The following KIN variants were observed in gnomAD, a reference collection of about 807,000 sequenced individuals.
KIN encodes Kin17 DNA and RNA binding protein.
In KIN, 47 loss-of-function variants were observed where a neutral mutation model predicts 63.0. The ratio of observed to expected loss-of-function variants is 0.75; its 90% CI spans 0.59 to 0.95. The LOEUF is 0.95. Ranked by LOEUF, KIN falls within the 40% of genes least tolerant of loss-of-function variation. The pLI, the probability that KIN is intolerant of heterozygous loss-of-function variation, is 0.00. For synonymous variants in KIN, 160 were observed against 157.7 expected (o/e 1.01, Z -0.11); for missense variants, 408 against 460.9 (o/e 0.89, Z 1.05).
Position 7,769,359 on chromosome 10 carries a change from G to A in KIN, c.669-14C>T, listed in dbSNP as rs1229936585. 1 of 1,605,632 alleles carries A rather than the reference G, an allele frequency of 6.2e-7. No individual in the cohort carries two copies. Among genetic ancestry groups the A allele is most frequent in the Admixed American group, 1.7e-5 (1 of 57,760 alleles). The stretch of plus-strand genomic sequence containing the variant: ...GGTCCCAGAGTACTGATGAACAGGA[G>A]AACCATGCTTGTTACCAAGAACCAT... On this transcript the variant is annotated splice_polypyrimidine_tract_variant and intron_variant, in intron 7 of 12. Transcript: ENST00000379562.
chr10:7,751,920 A>C lies in KIN; in HGVS notation c.*4160T>G, dbSNP rs1389802640. 1.0e-3 allele frequency: 2 copies of C among 1,976 alleles called. 1 individual carries two copies. The highest frequency in any genetic ancestry group is 1.9e-3 in the Non-Finnish European group (2 of 1,036). The allele number at this position is 1,976 out of a possible 1,614,324, so 0.1% of individuals were successfully genotyped here. On this transcript the variant is annotated 3_prime_UTR_variant, in exon 13 of 13. Coordinates refer to ENST00000379562, the MANE Select transcript of KIN (RefSeq NM_012311.4). ...CGCGGTGGCGGGCGCCTGTAGTCCC[A>C]GCTACTCGGGAGGCTGAGGCAGGAG...
Position 7,778,966 on chromosome 10 carries a change from T to C in KIN, c.430A>G (p.Arg144Gly). 6.2e-7 allele frequency: 1 copy of C among 1,614,156 alleles called. No individual in the cohort carries two copies. The highest frequency in any genetic ancestry group is 8.5e-7 in the Non-Finnish European group (1 of 1,180,042). Residue 144 changes from arginine to glycine, a missense_variant, in exon 5 of 13, where the codon AGG becomes GGG. Coordinates refer to ENST00000379562, the MANE Select transcript of KIN (RefSeq NM_012311.4). Reference sequence around the variant, plus strand: ...TGCCGGCGGATAGTTTCTGGGTCCCTGTCTATGTACTGAATATACCAGCCT... The same window carrying C: ...TGCCGGCGGATAGTTTCTGGGTCCCCGTCTATGTACTGAATATACCAGCCT... ...PKGWYIQYID[R>G]DPETIRRQLE...
At chr10:7,778,700 C>T (rs954291593) in intron 5 of KIN, 138 bp downstream of exon 5, 156 of 861,350 alleles carry the variant, frequency 1.8e-4, no homozygotes, top group Non-Finnish European at 2.7e-4. Flanking sequence ...GATTGCGCTA[C>T]TGCACTCCAG....
At chr10:7,756,690 A>C (rs1835338808) in intron 12 of KIN, among the ~76,000 whole-genome samples, 1 of 152,206 alleles carries the variant, frequency 6.6e-6, no homozygotes, top group South Asian at 2.1e-4. Flanking sequence ...TTTAGAGTGA[A>C]ACGTTAACTT....
chr10:7,777,973 G>A (rs1178855298), intron 5 of KIN, among the ~76,000 whole-genome samples: 2 of 151,818 alleles, frequency 1.3e-5, no homozygotes, highest in South Asian at 2.1e-4. Flanking sequence ...TATTCCCTGT[G>A]CCTACAAGAA....
At chr10:7,760,723 C>G (rs1042197903) in intron 11 of KIN, among the ~76,000 whole-genome samples, 5 of 152,048 alleles carry the variant, frequency 3.3e-5, no homozygotes, top group African/African-American at 1.2e-4. Flanking sequence ...TTTACTGTGC[C>G]TAATTCATAA....
At chr10:7,782,752 C>G (rs1338985370) in intron 2 of KIN, among the ~76,000 whole-genome samples, 1 of 152,090 alleles carries the variant, frequency 6.6e-6, no homozygotes, top group Non-Finnish European at 1.5e-5. Context: ...TTAAGTAGGT[C>G]ATCCAAAGGC....
intron 1 of KIN, among the ~76,000 whole-genome samples, chr10:7,785,304 A>C (rs1322404750): frequency 6.6e-6 from 1 of 152,062 alleles, no homozygotes; most frequent in Non-Finnish European, 1.5e-5. Context: ...ACCTGAAATT[A>C]ATCTATCAAG....
chr10:7,787,617 C>G (rs888035536), intron 1 of KIN, among the ~76,000 whole-genome samples: 2 of 152,178 alleles, frequency 1.3e-5, no homozygotes, highest in African/African-American at 2.4e-5. Flanking sequence ...TCGCAGAACA[C>G]AGGCTGCCCG....
In KIN at chr10:7,787,819, C is replaced by A. The variant is rs1381610751; in HGVS notation, c.114+1G>T. 2 of 1,609,996 alleles carry A rather than the reference C, an allele frequency of 1.2e-6. No individual in the cohort carries two copies. Among genetic ancestry groups the A allele is most frequent in the Non-Finnish European group, 1.7e-6 (2 of 1,176,400 alleles). ...GACGGGGCCACTCCGGGCCCACTCACCTCGTCCCGGCACTGCTTCTGGCAC... is the reference window on the plus strand; with the variant it reads ...GACGGGGCCACTCCGGGCCCACTCAACTCGTCCCGGCACTGCTTCTGGCAC... On this transcript the variant is annotated splice_donor_variant, in intron 1 of 12. Coordinates refer to ENST00000379562, the MANE Select transcript of KIN (RefSeq NM_012311.4). LOFTEE classifies it high-confidence loss of function.
At position 7,751,186 on chromosome 10, in the gene KIN, C is replaced by G. The variant is rs562743134; in HGVS notation, c.*4894G>C. Reference sequence around the variant, plus strand: ...GTGTTTACAACTTTCCTTAAAAAATCAATTCCTAAAATGAACGTATTTTCA... The same window carrying G: ...GTGTTTACAACTTTCCTTAAAAAATGAATTCCTAAAATGAACGTATTTTCA... On this transcript the variant is annotated 3_prime_UTR_variant, in exon 13 of 13. Coordinates refer to ENST00000379562, the MANE Select transcript of KIN (RefSeq NM_012311.4). The G allele has an allele frequency of 6.6e-6, 1 of 152,190 alleles. No homozygotes were observed. The highest frequency in any genetic ancestry group is 1.5e-5 in the Non-Finnish European group (1 of 68,020). The allele number at this position is 152,190 out of a possible 1,614,324, so 9.4% of individuals were successfully genotyped here.
intron 1 of KIN, 97 bp downstream of exon 1, chr10:7,787,723 G>A: frequency 4.4e-6 from 4 of 909,810 alleles, no homozygotes; most frequent in East Asian, 2.4e-5. Flanking sequence ...CGGACCCCGG[G>A]AGCCCCAGCC....
At chr10:7,786,602 A>G (rs1836014317) in intron 1 of KIN, among the ~76,000 whole-genome samples, 2 of 151,804 alleles carry the variant, frequency 1.3e-5, no homozygotes, top group South Asian at 4.2e-4. Flanking sequence ...CGTATCTCAA[A>G]AAAAAAAAGA....
At chr10:7,761,102 T>G (rs1270116672) in intron 11 of KIN, 1 of 152,050 alleles carries the variant, frequency 6.6e-6, no homozygotes, top group Non-Finnish European at 1.5e-5. Context: ...AGGGAGGGAT[T>G]AGAGAGGGAA....
chr10:7,758,745 C>T (rs1185499422), intron 12 of KIN, among the ~76,000 whole-genome samples: 1 of 151,506 alleles, frequency 6.6e-6, no homozygotes, highest in Non-Finnish European at 1.5e-5. Flanking sequence ...GGATTTTCTA[C>T]TGCCTTATGC....
At chr10:7,779,591 CACAG>C (rs1205637175) in intron 4 of KIN, among the ~76,000 whole-genome samples, 2 of 152,102 alleles carry the variant, frequency 1.3e-5, no homozygotes, top group Non-Finnish European at 2.9e-5. Context: ...ACTGAACATG[CACAG>C]ACATTTTTTC....
chr10:7,775,592 C>A (rs891418298), intron 6 of KIN, among the ~76,000 whole-genome samples, 159 bp downstream of exon 6: 12 of 152,146 alleles, frequency 7.9e-5, no homozygotes, highest in African/African-American at 2.9e-4. Flanking sequence ...CCTATCCAAT[C>A]AATTCATTAG....
At position 7,751,103 on chromosome 10, in the gene KIN, T is replaced by G. The variant is rs1835238951; in HGVS notation, c.*4977A>C. ...GGTTACTTTATGCTGTCTGCATTTG[T>G]ATAGTGGATTTTGGTGCTAAGATGC... On this transcript the variant is annotated 3_prime_UTR_variant, in exon 13 of 13. Transcript: ENST00000379562. The G allele has an allele frequency of 6.6e-6, 1 of 152,220 alleles. No individual in the cohort carries two copies. Among genetic ancestry groups the G allele is most frequent in the Admixed American group, 6.5e-5 (1 of 15,288 alleles). The allele number at this position is 152,220 out of a possible 1,614,324, so 9.4% of individuals were successfully genotyped here. A position where few individuals can be genotyped will look rare whatever the true frequency, so the allele number is the denominator to read the frequency against.
At chr10:7,766,543 T>G (rs1248947936) in intron 8 of KIN, among the ~76,000 whole-genome samples, 1 of 151,272 alleles carries the variant, frequency 6.6e-6, no homozygotes, top group Non-Finnish European at 1.5e-5. Context: ...AAAATGACAG[T>G]AAAGCTCATG....
Sources: allele counts gnomAD v4.1 joint callset (sites outside exome capture counted in the v4.1 genomes callset), GRCh38; gene constraint gnomAD v4.1.1; transcripts MANE v1.5; gene names NCBI Gene and HGNC (gene_info 2026-07-23, HGNC 2026-07-21).